The following RBSN variants were observed in gnomAD, a reference collection of about 807,000 sequenced individuals.
RBSN encodes rabenosyn-5.
RBSN carries 34 observed loss-of-function variants against 60.5 expected under a neutral mutation model. The observed-to-expected ratio is 0.56, with a 90% CI of 0.43 to 0.75. The LOEUF (loss-of-function observed/expected upper bound fraction) is 0.75. Ranked by LOEUF, RBSN falls within the 30% of genes least tolerant of loss-of-function variation. RBSN has a pLI of 0.00. For synonymous variants in RBSN, 322 were observed against 366.9 expected, an observed-to-expected ratio of 0.88 and a Z score of 1.40; for missense variants, 845 against 986.8, an observed-to-expected ratio of 0.86 and a Z score of 1.92.
rs2042904728 is a variant in RBSN, at chr3:15,070,487, A to T, written c.*3295T>A. ...GGGAGATCTGCTATGCCATATCAAG[A>T]CCTTGCTCATCTGGTGATGAGACGG... On this transcript the variant is annotated 3_prime_UTR_variant, in exon 14 of 14. Coordinates refer to ENST00000253699, the MANE Select transcript of RBSN (RefSeq NM_022340.4). The T allele has an allele frequency of 6.6e-6, 1 of 152,566 alleles. No individual in the cohort carries two copies. Among genetic ancestry groups the T allele is most frequent in the Non-Finnish European group, 1.5e-5 (1 of 68,014 alleles). 9.5% of individuals were successfully genotyped at this position (152,566 alleles called of 1,614,324 possible).
rs2043325995 is a variant in RBSN at position 15,085,911 on chromosome 3, T to C, written c.340A>G (p.Ile114Val). 6.2e-7 allele frequency: 1 copy of C among 1,613,992 alleles called. No homozygotes were observed. Among genetic ancestry groups the C allele is most frequent in the African/African-American group, 1.3e-5 (1 of 74,910 alleles). Residue 114 changes from isoleucine to valine, a missense_variant, in exon 6 of 14, where the codon ATT becomes GTT. Transcript: ENST00000253699. ...SDFKKHRAAR[I>V]DHYVVEVNKL... ...TTGACTTCCACAACATAGTGGTCAA[T>C]TCTAGCAGCTCGGTGTTTTTTGAAG... is the stretch of plus-strand genomic sequence containing the variant.
chr3:15,082,521 C>A lies in RBSN; in HGVS notation c.686G>T (p.Gly229Val), dbSNP rs746629406. Reference sequence around the variant, plus strand: ...GACACTGCTCATGCTGCTGATGCTGCCTCGGCGGGAGCCATGGACACTGTT... The same window carrying A: ...GACACTGCTCATGCTGCTGATGCTGACTCGGCGGGAGCCATGGACACTGTT... Reference protein sequence around the residue: ...SPNSVHGSRRGSISSMSSVSS... With the variant: ...SPNSVHGSRRVSISSMSSVSS... The change falls in exon 9 of 14, where the codon GGC becomes GTC. Residue 229 changes from glycine (G) to valine (V), a missense_variant. By Grantham distance (109) the Gly-to-Val change is moderately radical. Coordinates refer to ENST00000253699, the MANE Select transcript of RBSN (RefSeq NM_022340.4). This position sits in a 1 kb window ranked among gnomAD's most constrained non-coding sequence, Gnocchi z 4.2. 6.2e-7 allele frequency: 1 copy of A among 1,614,064 alleles called. No homozygotes were observed. The highest frequency in any genetic ancestry group is 1.7e-5 in the Admixed American group (1 of 60,004).
Position 15,073,725 on chromosome 3 carries a change from C to G in RBSN, c.*57G>C. 2.6e-6 allele frequency: 4 copies of G among 1,542,506 alleles called. No homozygotes were observed. The highest frequency in any genetic ancestry group is 3.5e-6 in the Non-Finnish European group (4 of 1,147,300). ...CCATCCATCCTGCCTGCCCTCTGTC[C>G]TGCTCCACTGGCTCCTGCCAGACCC... On this transcript the variant is annotated 3_prime_UTR_variant, in exon 14 of 14. Coordinates refer to ENST00000253699, the MANE Select transcript of RBSN (RefSeq NM_022340.4).
At chr3:15,083,994 GACAA>G in intron 8 of RBSN, among the ~76,000 whole-genome samples, 1 of 152,310 alleles carries the variant, frequency 6.6e-6, no homozygotes, top group Admixed American at 6.5e-5. Context: ...TGGAAGAATG[GACAA>G]TGCCTTATAG....
intron 10 of RBSN, among the ~76,000 whole-genome samples, chr3:15,078,498 C>T (rs2043109061): frequency 6.6e-6 from 1 of 152,000 alleles, no homozygotes. Context: ...GAAGTGGTTA[C>T]ACTACATTAA....
At position 15,074,327 on chromosome 3, in the gene RBSN, G is replaced by T; in HGVS notation, c.1810C>A (p.Pro604Thr). 1.2e-6 allele frequency: 2 copies of T among 1,614,150 alleles called. No individual in the cohort carries two copies. Among genetic ancestry groups the T allele is most frequent in the Non-Finnish European group, 1.7e-6 (2 of 1,180,024 alleles). Reference sequence around the variant, plus strand: ...GGTAAGCGCTCCTGGCCAACGGCTGGGGGCCCAGACCACACTCTGGTGGGT... The same window carrying T: ...GGTAAGCGCTCCTGGCCAACGGCTGTGGGCCCAGACCACACTCTGGTGGGT... ...TQPTRVWSGP[P>T]AVGQERLPQS... Residue 604 changes from proline (P) to threonine (T), a missense_variant, in exon 14 of 14, where the codon CCA becomes ACA. Coordinates refer to ENST00000253699, the MANE Select transcript of RBSN (RefSeq NM_022340.4). This position sits in a 1 kb window ranked among gnomAD's most constrained non-coding sequence, Gnocchi z 6.4.
Position 15,096,170 on chromosome 3 carries a change from C to A in RBSN, c.-50G>T. 4 of 1,513,356 alleles carry A rather than the reference C, an allele frequency of 2.6e-6. No individual in the cohort carries two copies. In the South Asian group the frequency reaches 4.1e-5, roughly 15 times the overall value. 93.7% of individuals were successfully genotyped at this position (1,513,356 alleles called of 1,614,324 possible). On this transcript the variant is annotated 5_prime_UTR_variant, in exon 4 of 14. It removes the in-frame stop codon of an upstream open reading frame in the 5' UTR. Transcript: ENST00000253699. ...AAGGCAGGAATCTCATGCCAAGAGTCAGCTTGATTCCTCCCAAGGAACCAT... is the reference window on the plus strand; with the variant it reads ...AAGGCAGGAATCTCATGCCAAGAGTAAGCTTGATTCCTCCCAAGGAACCAT...
chr3:15,094,239 T>C (rs1430215931), intron 4 of RBSN, among the ~76,000 whole-genome samples: 1 of 152,218 alleles, frequency 6.6e-6, no homozygotes, highest in Non-Finnish European at 1.5e-5. Flanking sequence ...TGGAAGCTAG[T>C]TGAAAATGAT....
rs1559354337 is a variant in RBSN, at chr3:15,094,809, T to C, written c.148+1164A>G. Among the ~76,000 whole-genome samples the C allele has an allele frequency of 2.0e-5, 3 of 152,202 alleles. No homozygotes were observed. In the South Asian group the frequency reaches 6.2e-4, roughly 32 times the overall value. On this transcript the variant is annotated intron_variant, in intron 4 of 13. Coordinates refer to ENST00000253699, the MANE Select transcript of RBSN (RefSeq NM_022340.4). ...TGAGACTCTAGGGACAAATATCTGA[T>C]TACAAAGTGCATATGATTCACCTGT...
At chr3:15,097,013 C>T (rs1269231000) in intron 2 of RBSN, among the ~76,000 whole-genome samples, 1 of 152,166 alleles carries the variant, frequency 6.6e-6, no homozygotes, top group East Asian at 1.9e-4. Context: ...GAGTATGCCA[C>T]CACACCCAGC....
chr3:15,098,179 C>T lies in RBSN; in HGVS notation c.-405G>A, dbSNP rs2043717741. ...TCATCTCAATTTATAACCGCAGGTA[C>T]ATACGTGAAGTGACCAAGTAAGACT... On this transcript the variant is annotated 5_prime_UTR_variant, in exon 2 of 14. An upstream start codon of the reference 5' UTR is lost. Coordinates refer to ENST00000253699, the MANE Select transcript of RBSN (RefSeq NM_022340.4). The T allele has an allele frequency of 6.6e-6, 1 of 152,218 alleles. No individual in the cohort carries two copies. Among genetic ancestry groups the T allele is most frequent in the African/African-American group, 2.4e-5 (1 of 41,414 alleles). 9.4% of individuals were successfully genotyped at this position (152,218 alleles called of 1,614,324 possible).
At chr3:15,089,851 G>C (rs559251811) in intron 5 of RBSN, among the ~76,000 whole-genome samples, 32 of 152,140 alleles carry the variant, frequency 2.1e-4, no homozygotes, top group Non-Finnish European at 4.6e-4. Context: ...GCCCGCCTCG[G>C]CCTCCCAAAG....
In RBSN at chr3:15,082,629, G is replaced by T. The variant is rs554567895; in HGVS notation, c.599-21C>A. On this transcript the variant is annotated intron_variant, in intron 8 of 13. Coordinates refer to ENST00000253699, the MANE Select transcript of RBSN (RefSeq NM_022340.4). This position sits in a 1 kb window ranked among gnomAD's most constrained non-coding sequence, Gnocchi z 4.2. Reference sequence around the variant, plus strand: ...CTTGTCTGTAACCACAACACCAACAGGCAGCAATGACCCCCACAGCATCCA... The same window carrying T: ...CTTGTCTGTAACCACAACACCAACATGCAGCAATGACCCCCACAGCATCCA... 1 of 1,611,870 alleles carries T rather than the reference G, an allele frequency of 6.2e-7. No homozygotes were observed. The highest frequency in any genetic ancestry group is 1.3e-5 in the African/African-American group (1 of 74,984).
chr3:15,082,313 A>C lies in RBSN; in HGVS notation c.840+54T>G. 6.3e-7 allele frequency: 1 copy of C among 1,588,986 alleles called. No individual in the cohort carries two copies. The highest frequency in any genetic ancestry group is 8.6e-7 in the Non-Finnish European group (1 of 1,161,166). The stretch of plus-strand genomic sequence containing the variant: ...CAGAATCTGCAGGAGTGTACATAAC[A>C]AACAGCCAAATCTGCCTAAGAAATT... On this transcript the variant is annotated intron_variant, in intron 9 of 13. Transcript: ENST00000253699. The surrounding 1 kb of genome is among the most constrained non-coding windows in gnomAD (Gnocchi z 4.2).
chr3:15,083,493 G>A (rs758772091), intron 8 of RBSN, among the ~76,000 whole-genome samples: 1 of 152,022 alleles, frequency 6.6e-6, no homozygotes, highest in Non-Finnish European at 1.5e-5. Flanking sequence ...CTGGAGGATC[G>A]GGTTCCACCT....
At chr3:15,079,696 A>C (rs1176056966) in intron 10 of RBSN, among the ~76,000 whole-genome samples, 1 of 152,236 alleles carries the variant, frequency 6.6e-6, no homozygotes, top group East Asian at 1.9e-4. Flanking sequence ...TTTTATATTT[A>C]TGATTCTATT....
intron 13 of RBSN, 91 bp from the exon 14 acceptor site, chr3:15,075,021 G>A (rs2043019721): frequency 7.0e-7 from 1 of 1,422,352 alleles, no homozygotes; most frequent in Non-Finnish European, 9.3e-7. Flanking sequence ...CTCTATCCCT[G>A]TGCCAGTGAC....
chr3:15,086,090 CCAAA>C, intron 5 of RBSN, 129 bp from the exon 6 acceptor site: 6 of 162,996 alleles, frequency 3.7e-5, no homozygotes, highest in South Asian at 2.3e-4. Flanking sequence ...CCGTCTCTCT[CCAAA>C]AAAAAAAAAA....
chr3:15,075,576 A>T, intron 13 of RBSN, 30 bp downstream of exon 13: 1 of 1,592,266 alleles, frequency 6.3e-7, no homozygotes, highest in Admixed American at 1.7e-5. Flanking sequence ...CACAGGAGGA[A>T]GCAGGCCCCA....
Sources: allele counts gnomAD v4.1 joint callset (sites outside exome capture counted in the v4.1 genomes callset), GRCh38; gene constraint gnomAD v4.1.1; non-coding constraint Gnocchi (gnomAD v3.1); transcripts MANE v1.5; gene names NCBI Gene and HGNC (gene_info 2026-07-23, HGNC 2026-07-21).